DNAAF9: variants seen among roughly 807,000 people sequenced by gnomAD.
DNAAF9 encodes shulin.
A neutral mutation model predicts 167.0 loss-of-function variants in DNAAF9; 90 were observed. The observed-to-expected ratio is 0.54, with a 90% CI of 0.45 to 0.64. The LOEUF (loss-of-function observed/expected upper bound fraction) is 0.64. Among genes scored for constraint, DNAAF9 ranks in the 30% least tolerant of loss-of-function variants. The pLI is 0.00. For missense variants in DNAAF9, 1,315 were observed against 1,442.2 expected (o/e 0.91, Z 1.43); for synonymous variants, 491 against 508.8 (o/e 0.96, Z 0.47).
chr20:3,342,838 G>C (rs1241339048), intron 9 of DNAAF9, among the ~76,000 whole-genome samples: 1 of 152,168 alleles, frequency 6.6e-6, no homozygotes, highest in Non-Finnish European at 1.5e-5. Flanking sequence ...TGACAAAAGA[G>C]ATGTGGGAGA....
At position 3,361,792 on chromosome 20, in the gene DNAAF9, A is replaced by T. The variant is rs1441860733; in HGVS notation, c.613-2199T>A. Reference sequence around the variant, plus strand: ...TCCAGTACTCTGAGGTCTACAAGACATATCTAGAAAATTTACTACTGAAAA... The same window carrying T: ...TCCAGTACTCTGAGGTCTACAAGACTTATCTAGAAAATTTACTACTGAAAA... On this transcript the variant is annotated intron_variant, in intron 6 of 36. Transcript: ENST00000252032. 5.8e-6 allele frequency: 7 copies of T among 1,215,756 alleles called. No individual in the cohort carries two copies. In the East Asian group the frequency reaches 1.4e-4, roughly 24 times the overall value. The allele number at this position is 1,215,756 out of a possible 1,614,324, so 75.3% of individuals were successfully genotyped here. A position where few individuals can be genotyped will look rare whatever the true frequency, so the allele number is the denominator to read the frequency against.
At chr20:3,381,218 G>A (rs544893471) in intron 3 of DNAAF9, among the ~76,000 whole-genome samples, 161 bp downstream of exon 3, 1 of 152,150 alleles carries the variant, frequency 6.6e-6, no homozygotes, top group African/African-American at 2.4e-5. Flanking sequence ...AAATATATCA[G>A]CAAAGAAAAA....
rs191959798 is a variant in DNAAF9 at position 3,308,792 on chromosome 20, C to A, written c.1679-4249G>T. 2.3e-3 allele frequency among the ~76,000 whole-genome samples: 344 copies of A among 150,936 alleles called. 1 individual carries two copies. The highest frequency in any genetic ancestry group is 8.1e-3 in the African/African-American group (332 of 41,090). Reference sequence around the variant, plus strand: ...TGGAGTTTGAGACCAGCCTAGCCAACATGGTGAAACTCCATCTCTACTAAA... The same window carrying A: ...TGGAGTTTGAGACCAGCCTAGCCAAAATGGTGAAACTCCATCTCTACTAAA... On this transcript the variant is annotated intron_variant, in intron 20 of 36. Coordinates refer to ENST00000252032, the MANE Select transcript of DNAAF9 (RefSeq NM_001009984.3).
At chr20:3,407,415 G>T in intron 1 of DNAAF9, 60 bp downstream of exon 1, 1 of 1,234,482 alleles carries the variant, frequency 8.1e-7, no homozygotes, top group Non-Finnish European at 1.0e-6. Flanking sequence ...AGGCGTCGCC[G>T]GACCCCGACA....
At chr20:3,340,359 C>A in intron 10 of DNAAF9, 145 bp downstream of exon 10, 1 of 659,952 alleles carries the variant, frequency 1.5e-6, no homozygotes, top group Non-Finnish European at 2.5e-6. Context: ...CTAATCACTT[C>A]TTTTCACTCT....
At chr20:3,382,374 A>C (rs1269361798) in intron 2 of DNAAF9, 53 bp downstream of exon 2, 2 of 1,420,424 alleles carry the variant, frequency 1.4e-6, no homozygotes, top group East Asian at 4.6e-5. Context: ...TCCTGTGAAC[A>C]AAAAAAGCCA....
intron 13 of DNAAF9, 140 bp downstream of exon 13, chr20:3,326,057 G>A: frequency 1.6e-6 from 1 of 635,832 alleles, no homozygotes. Context: ...TGCTCTCAGG[G>A]CTTCTCTCTG....
Position 3,253,799 on chromosome 20 carries a change from G to A in DNAAF9, c.3348C>T (p.Pro1116=), listed in dbSNP as rs756833732. Residue 1116 remains proline, a synonymous_variant, in exon 36 of 37, where the codon CCC becomes CCT. Coordinates refer to ENST00000252032, the MANE Select transcript of DNAAF9 (RefSeq NM_001009984.3). ...CATTATAAAAGTAGCCTGCAGGTAGGGGTTCCAAGTGGCGTTTTACCTGTA... is the reference window on the plus strand; with the variant it reads ...CATTATAAAAGTAGCCTGCAGGTAGAGGTTCCAAGTGGCGTTTTACCTGTA... ...RSIHVKRHLE[P]LPAGYFYNGT... is the part of the protein sequence containing the mutation. 5 of 1,609,806 alleles carry A rather than the reference G, an allele frequency of 3.1e-6. No homozygotes were observed. The Admixed American group carries it at 8.3e-5, about 27-fold the overall frequency.
chr20:3,257,007 A>G (rs1414949325), intron 33 of DNAAF9, among the ~76,000 whole-genome samples: 7 of 152,096 alleles, frequency 4.6e-5, no homozygotes, highest in Admixed American at 4.6e-4. Context: ...TCTCAAAAAC[A>G]AAACAAAACA....
intron 35 of DNAAF9, among the ~76,000 whole-genome samples, chr20:3,254,195 C>T (rs2068239834): frequency 6.6e-6 from 1 of 152,202 alleles, no homozygotes; most frequent in South Asian, 2.1e-4. Flanking sequence ...TCTCCTGCCT[C>T]AGCCTCCCGA....
chr20:3,387,829 C>G (rs1308814605), intron 1 of DNAAF9, among the ~76,000 whole-genome samples: 1 of 145,996 alleles, frequency 6.8e-6, no homozygotes, highest in African/African-American at 2.6e-5. Context: ...TCTCTTGAGC[C>G]CATGAGTTTG....
In DNAAF9 at chr20:3,265,486, G is replaced by A. The variant is rs187445647; in HGVS notation, c.2787-962C>T. Among the ~76,000 whole-genome samples, 489 of 144,718 alleles carry A rather than the reference G, an allele frequency of 3.4e-3. 3 individuals are homozygous for A. Among genetic ancestry groups the A allele is most frequent in the African/African-American group, 0.012 (460 of 39,216 alleles). The allele number at this position is 144,718 out of a possible 152,430, so 94.9% of individuals were successfully genotyped here. On this transcript the variant is annotated intron_variant, in intron 30 of 36. Coordinates refer to ENST00000252032, the MANE Select transcript of DNAAF9 (RefSeq NM_001009984.3). Reference sequence around the variant, plus strand: ...GGAGGCCGAGGCAGGAGAATCACTTGAACCCAGGAGGTGGAGAGGTGGAGG... The same window carrying A: ...GGAGGCCGAGGCAGGAGAATCACTTAAACCCAGGAGGTGGAGAGGTGGAGG...
intron 10 of DNAAF9, among the ~76,000 whole-genome samples, chr20:3,335,919 T>A (rs761374014): frequency 1.3e-5 from 2 of 151,660 alleles, no homozygotes; most frequent in Non-Finnish European, 2.9e-5. Context: ...GGTCAGGAGT[T>A]CAAGACCAGC....
Position 3,382,526 on chromosome 20 carries a change from T to C in DNAAF9, c.84-20A>G. On this transcript the variant is annotated intron_variant, in intron 1 of 36. Transcript: ENST00000252032. ...CTGCAGCTGCAACAAGAACAGAAAA[T>C]GGTCCCCTGAGTGCCAGGACAGCCC... is the stretch of plus-strand genomic sequence containing the variant. 6.2e-7 allele frequency: 1 copy of C among 1,608,828 alleles called. No homozygotes were observed. The highest frequency in any genetic ancestry group is 8.5e-7 in the Non-Finnish European group (1 of 1,175,504).
intron 1 of DNAAF9, 76 bp downstream of exon 1, chr20:3,407,399 G>A (rs1568655046): frequency 8.7e-7 from 1 of 1,147,656 alleles, no homozygotes; most frequent in Non-Finnish European, 1.1e-6. Context: ...CACGCCCTGC[G>A]GCGGGAGGCG....
intron 17 of DNAAF9, 30 bp from the exon 18 acceptor site, chr20:3,316,823 A>C (rs1568600219): frequency 1.9e-6 from 3 of 1,564,872 alleles, no homozygotes; most frequent in Non-Finnish European, 2.6e-6. Flanking sequence ...ATGCCAGTTA[A>C]TTCCCTACCA....
At chr20:3,351,213 G>A (rs1053180477) in intron 7 of DNAAF9, among the ~76,000 whole-genome samples, 3 of 152,148 alleles carry the variant, frequency 2.0e-5, no homozygotes, top group African/African-American at 7.2e-5. Flanking sequence ...TTCAACTGGG[G>A]CAGGTGCAGT....
intron 27 of DNAAF9, among the ~76,000 whole-genome samples, chr20:3,285,138 A>G (rs1200524891): frequency 1.3e-5 from 2 of 152,246 alleles, no homozygotes; most frequent in East Asian, 1.9e-4. Flanking sequence ...ACTTGATGTC[A>G]AAGTTCAATT....
intron 4 of DNAAF9, among the ~76,000 whole-genome samples, chr20:3,375,947 A>T (rs1351332335): frequency 2.0e-5 from 3 of 152,160 alleles, no homozygotes; most frequent in African/African-American, 7.2e-5. Flanking sequence ...TTAAGTTCAT[A>T]AACTTACCAC....
Sources: allele counts gnomAD v4.1 joint callset (sites outside exome capture counted in the v4.1 genomes callset), GRCh38; gene constraint gnomAD v4.1.1; transcripts MANE v1.5; gene names NCBI Gene and HGNC (gene_info 2026-07-23, HGNC 2026-07-21).